AGBL4: variants seen among roughly 807,000 people sequenced by gnomAD.
AGBL4 encodes cytosolic carboxypeptidase 6.
AGBL4 carries 58 observed loss-of-function variants against 66.4 expected under a neutral mutation model. The ratio of observed to expected loss-of-function variants is 0.87; its 90% CI spans 0.71 to 1.09. The LOEUF is 1.09. AGBL4 is among the 50% of genes least tolerant of loss of function. The pLI is 0.00. For missense variants in AGBL4, 579 were observed against 631.0 expected (o/e 0.92, Z 0.88); for synonymous variants, 234 against 222.9 (o/e 1.05, Z -0.44).
intron 3 of AGBL4, among the ~76,000 whole-genome samples, chr1:49,403,707 C>T (rs1645136915): frequency 6.6e-6 from 1 of 152,128 alleles, no homozygotes; most frequent in Admixed American, 6.5e-5. Flanking sequence ...TGTTCTCAGT[C>T]TGGGCTTTTT....
intron 6 of AGBL4, among the ~76,000 whole-genome samples, chr1:48,805,988 T>C (rs1558007563): frequency 6.6e-6 from 1 of 152,214 alleles, no homozygotes; most frequent in Non-Finnish European, 1.5e-5. Context: ...ACATTTTTAT[T>C]CTATTAAATA....
intron 4 of AGBL4, among the ~76,000 whole-genome samples, chr1:49,150,005 T>C (rs1412677783): frequency 6.6e-6 from 1 of 152,238 alleles, no homozygotes; most frequent in African/African-American, 2.4e-5. Flanking sequence ...TCTAAATTCA[T>C]GGACCTCACA....
intron 4 of AGBL4, among the ~76,000 whole-genome samples, chr1:49,090,408 T>G (rs949271104): frequency 1.3e-5 from 2 of 152,140 alleles, no homozygotes; most frequent in African/African-American, 2.4e-5. Flanking sequence ...GCAAAATCAA[T>G]GTACAATAAT....
At chr1:49,471,752 T>G (rs1646750223) in intron 3 of AGBL4, among the ~76,000 whole-genome samples, 2 of 151,902 alleles carry the variant, frequency 1.3e-5, no homozygotes, top group Admixed American at 6.6e-5. Flanking sequence ...TTTTCTACTA[T>G]AGCCAACACC....
chr1:48,663,151 C>T lies in AGBL4; in HGVS notation c.724+1G>A, dbSNP rs754360241. Reference sequence around the variant, plus strand: ...GATACCTATGAGATCCTGCCACTCACCTTGGCACACAAATGATGAGGGTGT... The same window carrying T: ...GATACCTATGAGATCCTGCCACTCATCTTGGCACACAAATGATGAGGGTGT... On this transcript the variant is annotated splice_donor_variant, in intron 7 of 13. Coordinates refer to ENST00000371839, the MANE Select transcript of AGBL4 (RefSeq NM_032785.4). LOFTEE classifies it high-confidence loss of function. The T allele has an allele frequency of 8.7e-6, 14 of 1,613,726 alleles. No homozygotes were observed. The highest frequency in any genetic ancestry group is 1.1e-5 in the Non-Finnish European group (13 of 1,179,768).
At chr1:49,902,587 A>G (rs1189054015) in intron 1 of AGBL4, among the ~76,000 whole-genome samples, 1 of 151,988 alleles carries the variant, frequency 6.6e-6, no homozygotes, top group African/African-American at 2.4e-5. Context: ...TCTCTACTAA[A>G]AATACAAAAA....
At chr1:49,673,789 G>A (rs1188024483) in intron 3 of AGBL4, among the ~76,000 whole-genome samples, 1 of 151,952 alleles carries the variant, frequency 6.6e-6, no homozygotes, top group African/African-American at 2.4e-5. Flanking sequence ...AGATCAGTGA[G>A]AAAGACATAA....
intron 4 of AGBL4, among the ~76,000 whole-genome samples, chr1:49,240,065 G>GA (rs1455161951): frequency 6.6e-6 from 1 of 151,606 alleles, no homozygotes. Flanking sequence ...TTTAATAATA[G>GA]AGTAAAGGCC....
intron 6 of AGBL4, among the ~76,000 whole-genome samples, chr1:48,833,996 C>T (rs940734262): frequency 1.3e-5 from 2 of 152,100 alleles, no homozygotes; most frequent in African/African-American, 4.8e-5. Context: ...ACCTTAGGGG[C>T]AGAGCATTGA....
intron 3 of AGBL4, among the ~76,000 whole-genome samples, chr1:49,296,117 A>T (rs564045555): frequency 1.3e-5 from 2 of 152,286 alleles, no homozygotes; most frequent in Non-Finnish European, 2.9e-5. Context: ...TATCTTTAAT[A>T]AAAAAATGCC....
rs142664326 is a variant in AGBL4, at chr1:49,041,434, C to T, written c.594+4150G>A. Among the ~76,000 whole-genome samples the T allele has an allele frequency of 1.6e-4, 24 of 152,136 alleles. No individual in the cohort carries two copies. The East Asian group carries it at 4.6e-3, about 29-fold the overall frequency. ...TCTAGTCCAGATGGCACAGGTACAC[C>T]CTGTACTTCCATTAAATTTACTTTC... On this transcript the variant is annotated intron_variant, in intron 5 of 13. Coordinates refer to ENST00000371839, the MANE Select transcript of AGBL4 (RefSeq NM_032785.4).
At chr1:49,066,757 G>A (rs1477996180) in intron 4 of AGBL4, among the ~76,000 whole-genome samples, 1 of 152,190 alleles carries the variant, frequency 6.6e-6, no homozygotes, top group African/African-American at 2.4e-5. Context: ...GTCCCTGGGA[G>A]CAGCAAAGCC....
intron 3 of AGBL4, among the ~76,000 whole-genome samples, chr1:49,356,898 C>T (rs1039017195): frequency 1.3e-5 from 2 of 152,172 alleles, no homozygotes; most frequent in African/African-American, 2.4e-5. Context: ...TAAAAACAAA[C>T]TTCACCTGAT....
At chr1:48,591,093 C>CCG (rs1553192290) in intron 9 of AGBL4, 108 bp from the exon 10 acceptor site, 21 of 737,890 alleles carry the variant, frequency 2.8e-5, no homozygotes, top group Non-Finnish European at 3.9e-5. Flanking sequence ...CCCACCCACC[C>CCG]CCCCCCACAC....
intron 2 of AGBL4, among the ~76,000 whole-genome samples, chr1:49,727,315 A>G (rs1001528893): frequency 4.6e-5 from 7 of 152,100 alleles, no homozygotes; most frequent in African/African-American, 1.2e-4. Context: ...TAACCACTAA[A>G]TTTTTCTTTC....
chr1:48,748,617 G>C (rs572679407), intron 6 of AGBL4, among the ~76,000 whole-genome samples: 13 of 152,294 alleles, frequency 8.5e-5, no homozygotes, highest in African/African-American at 2.9e-4. Flanking sequence ...TGTGACCCTA[G>C]GGTGGGGTAG....
rs190690914 is a variant in AGBL4 at position 49,204,269 on chromosome 1, T to G, written c.377+41501A>C. On this transcript the variant is annotated intron_variant, in intron 4 of 13. Transcript: ENST00000371839. ...TAGATAACTGGAAACTATTTATCTA[T>G]TTTTTATTGTTTATTTTTTTAGTCA... Among the ~76,000 whole-genome samples the G allele has an allele frequency of 4.4e-4, 67 of 152,168 alleles. 1 individual carries two copies. Among genetic ancestry groups the G allele is most frequent in the African/African-American group, 1.5e-3 (62 of 41,532 alleles).
At chr1:49,270,671 T>G (rs1215853560) in intron 3 of AGBL4, among the ~76,000 whole-genome samples, 1 of 152,204 alleles carries the variant, frequency 6.6e-6, no homozygotes, top group African/African-American at 2.4e-5. Context: ...TTCTATTCCC[T>G]CTCTAGAAAA....
At chr1:49,741,346 A>T (rs879486832) in intron 2 of AGBL4, among the ~76,000 whole-genome samples, 14 of 152,196 alleles carry the variant, frequency 9.2e-5, no homozygotes, top group Non-Finnish European at 1.6e-4. Context: ...CCAAGACTAA[A>T]CCATGAAGAA....
Sources: gnomAD v4.1 joint callset for allele counts (sites outside exome capture counted in the v4.1 genomes callset) on GRCh38, gnomAD v4.1.1 for gene constraint, MANE v1.5 for transcripts, NCBI Gene and HGNC (gene_info 2026-07-23, HGNC 2026-07-21) for gene names.